The following ZNF324B variants were observed in gnomAD, a reference collection of about 807,000 sequenced individuals.
The protein encoded by ZNF324B is zinc finger protein 324B.
Under a neutral mutation model 10.6 loss-of-function variants are expected in ZNF324B, and 7 were observed. The observed-to-expected ratio is 0.66, with a 90% CI of 0.38 to 1.24. The LOEUF (loss-of-function observed/expected upper bound fraction) is 1.24. ZNF324B is among the 50% of genes most tolerant of loss of function. The pLI is 0.02. For synonymous variants in ZNF324B, 316 were observed against 321.0 expected, an observed-to-expected ratio of 0.98 and a Z score of 0.17; for missense variants, 640 against 764.7, an observed-to-expected ratio of 0.84 and a Z score of 1.92.
At chr19:58,426,737 AT>A in the ZNF324B span, among the ~76,000 whole-genome samples, 1 of 152,190 alleles carries the variant, frequency 6.6e-6, no homozygotes, top group Non-Finnish European at 1.5e-5. Flanking sequence ...GGTGTCCCTG[AT>A]GTGGGAGGGC....
chr19:58,434,672 G>A, the ZNF324B span: 1 of 1,614,220 alleles, frequency 6.2e-7, no homozygotes, highest in Non-Finnish European at 8.5e-7. Flanking sequence ...TCTTCAGAGT[G>A]AGTTCTCAGA....
intron 3 of ZNF324B, chr19:58,454,581 C>T (rs2052894965): frequency 1.7e-6 from 1 of 574,816 alleles, no homozygotes; most frequent in South Asian, 2.3e-5. Flanking sequence ...GGCTGTGTGG[C>T]CTTGAACCCT....
the ZNF324B span, among the ~76,000 whole-genome samples, chr19:58,436,534 G>A: frequency 2.6e-5 from 4 of 151,898 alleles, no homozygotes; most frequent in African/African-American, 7.3e-5. Flanking sequence ...TGGGTGTGGT[G>A]GCAGGCACCT....
chr19:58,440,680 A>C, the ZNF324B span: 3 of 142,730 alleles, frequency 2.1e-5, no homozygotes, highest in African/African-American at 7.9e-5. Context: ...ACAACACCGC[A>C]CCCCCCTTCC....
At chr19:58,445,177 T>C in the ZNF324B span, 1 of 297,602 alleles carries the variant, frequency 3.4e-6, no homozygotes, top group South Asian at 2.9e-5. Context: ...AATAACTACA[T>C]GAAAGCTTTC....
At chr19:58,432,103 ACT>A in the ZNF324B span, among the ~76,000 whole-genome samples, 1 of 151,946 alleles carries the variant, frequency 6.6e-6, no homozygotes, top group Non-Finnish European at 1.5e-5. Context: ...GCCTGTGCCC[ACT>A]CTGTTGGCCA....
chr19:58,451,733 C>G (rs1419857387), intron 1 of ZNF324B, 29 bp downstream of exon 1: 1 of 449,346 alleles, frequency 2.2e-6, no homozygotes, highest in Non-Finnish European at 4.3e-6. Context: ...CGGCCGCGCC[C>G]CCAAGCCTCG....
At chr19:58,434,832 G>A in the ZNF324B span, 3 of 1,614,088 alleles carry the variant, frequency 1.9e-6, no homozygotes, top group Admixed American at 3.3e-5. Context: ...GGAGGTCACA[G>A]CTGCCCAGGA....
the ZNF324B span, chr19:58,435,419 A>C: frequency 5.3e-6 from 3 of 566,066 alleles, no homozygotes; most frequent in South Asian, 7.2e-5. Context: ...AGACCTCACC[A>C]GGGGTAAGGA....
chr19:58,448,406 G>A (rs907388598), upstream of ZNF324B, among the ~76,000 whole-genome samples: 25 of 152,176 alleles, frequency 1.6e-4, no homozygotes, highest in African/African-American at 5.8e-4. Context: ...GAGATTTGTG[G>A]AACTTTGGAT....
At chr19:58,438,454 C>G in the ZNF324B span, among the ~76,000 whole-genome samples, 2 of 151,052 alleles carry the variant, frequency 1.3e-5, no homozygotes, top group South Asian at 4.2e-4. Flanking sequence ...ACTTCCACAT[C>G]TGAAAGATCT....
rs1222529498 is a variant in ZNF324B, at chr19:58,456,407, G to A, written c.1463G>A (p.Arg488His). 1.9e-6 allele frequency: 3 copies of A among 1,613,218 alleles called. No individual in the cohort carries two copies. The highest frequency in any genetic ancestry group is 1.6e-4 in the Middle Eastern group (1 of 6,062). Residue 488 changes from arginine to histidine, a missense_variant, in exon 4 of 4, where the codon CGC (arginine) becomes CAC (histidine). This residue lies in a region of ZNF324B where 238 missense variants were observed against 258.0 expected (regional missense o/e 0.92). Coordinates refer to ENST00000336614, the MANE Select transcript of ZNF324B (RefSeq NM_207395.3). This position sits in a 1 kb window ranked among gnomAD's most constrained non-coding sequence, Gnocchi z 4.7. Reference sequence around the variant, plus strand: ...CCCTTCGTGTGCACGCAGTGTGGCCGCGCCTTCCGTGAGCGCCCTGCCCTC... The same window carrying A: ...CCCTTCGTGTGCACGCAGTGTGGCCACGCCTTCCGTGAGCGCCCTGCCCTC... ...EKPFVCTQCGRAFRERPALLH... is the reference protein window; with the variant it reads ...EKPFVCTQCGHAFRERPALLH...
At chr19:58,422,430 A>G in the ZNF324B span, among the ~76,000 whole-genome samples, 1 of 152,190 alleles carries the variant, frequency 6.6e-6, no homozygotes, top group Non-Finnish European at 1.5e-5. Flanking sequence ...AAGAGAAAAG[A>G]AAAGGTATCC....
Position 58,456,398 on chromosome 19 carries a change from A to C in ZNF324B, c.1454A>C (p.Gln485Pro). 6.2e-7 allele frequency: 1 copy of C among 1,613,224 alleles called. No homozygotes were observed. The highest frequency in any genetic ancestry group is 8.5e-7 in the Non-Finnish European group (1 of 1,180,036). ...HTGEKPFVCT[Q>P]CGRAFRERPA... is the part of the protein sequence containing the mutation. The stretch of plus-strand genomic sequence containing the variant: ...GGCGAGAAGCCCTTCGTGTGCACGC[A>C]GTGTGGCCGCGCCTTCCGTGAGCGC... Residue 485 changes from glutamine (Q) to proline (P), a missense_variant, in exon 4 of 4, where the codon CAG (glutamine) becomes CCG (proline). Physicochemically the swap from Gln to Pro is moderately conservative, Grantham distance 76. Coordinates refer to ENST00000336614, the MANE Select transcript of ZNF324B (RefSeq NM_207395.3). This position sits in a 1 kb window ranked among gnomAD's most constrained non-coding sequence, Gnocchi z 4.7.
chr19:58,432,101 C>G, the ZNF324B span, among the ~76,000 whole-genome samples: 1 of 152,132 alleles, frequency 6.6e-6, no homozygotes, highest in African/African-American at 2.4e-5. Context: ...CTGCCTGTGC[C>G]CACTCTGTTG....
chr19:58,451,696 G>C lies in ZNF324B; in HGVS notation c.-15G>C. The C allele has an allele frequency of 2.0e-6, 1 of 498,600 alleles. No homozygotes were observed. The highest frequency in any genetic ancestry group is 4.0e-6 in the Non-Finnish European group (1 of 251,690). 30.9% of individuals were successfully genotyped at this position (498,600 alleles called of 1,614,324 possible). A position where few individuals can be genotyped will look rare whatever the true frequency, so the allele number is the denominator to read the frequency against. On this transcript the variant is annotated 5_prime_UTR_variant, in exon 1 of 4. Coordinates refer to ENST00000336614, the MANE Select transcript of ZNF324B (RefSeq NM_207395.3). ...CGCGGGTCGGGGCCCGAGGCGGGCGGCCAGGAAGGTACGGACCACGAGCAG... is the reference window on the plus strand; with the variant it reads ...CGCGGGTCGGGGCCCGAGGCGGGCGCCCAGGAAGGTACGGACCACGAGCAG...
chr19:58,434,191 A>G, the ZNF324B span: 1 of 1,614,210 alleles, frequency 6.2e-7, no homozygotes, highest in African/African-American at 1.3e-5. Context: ...GTGCTGAATG[A>G]GAGCAGAGCT....
chr19:58,432,099 G>A, the ZNF324B span, among the ~76,000 whole-genome samples: 1 of 152,200 alleles, frequency 6.6e-6, no homozygotes. Flanking sequence ...ATCTGCCTGT[G>A]CCCACTCTGT....
chr19:58,425,488 T>TA, the ZNF324B span, among the ~76,000 whole-genome samples: 23 of 149,322 alleles, frequency 1.5e-4, no homozygotes, highest in African/African-American at 2.0e-4. Flanking sequence ...TTTTTTTTTT[T>TA]AGACAGAATT....
Sources: gnomAD v4.1 joint callset for allele counts (sites outside exome capture counted in the v4.1 genomes callset) on GRCh38, gnomAD v4.1.1 for gene constraint, gnomAD v4.1.1 regional missense constraint, Gnocchi (gnomAD v3.1) non-coding constraint, MANE v1.5 for transcripts, NCBI Gene and HGNC (gene_info 2026-07-23, HGNC 2026-07-21) for gene names.